The following RSF1 variants were observed in gnomAD, a reference collection of about 807,000 sequenced individuals.
RSF1 encodes remodeling and spacing factor 1.
RSF1 carries 13 observed loss-of-function variants against 145.2 expected under a neutral mutation model. The observed-to-expected ratio is 0.09, with a 90% confidence interval of 0.06 to 0.14. The LOEUF is 0.14. Ranked by LOEUF, RSF1 falls within the 10% of genes least tolerant of loss-of-function variation. RSF1 has a pLI of 1.00. For synonymous variants in RSF1, 577 were observed against 592.6 expected, an observed-to-expected ratio of 0.97 and a Z score of 0.38; for missense variants, 1,517 against 1,718.2, an observed-to-expected ratio of 0.88 and a Z score of 2.07.
intron 1 of RSF1, among the ~76,000 whole-genome samples, chr11:77,791,874 T>C (rs1218238319): frequency 2.6e-4 from 40 of 152,186 alleles, no homozygotes; most frequent in Admixed American, 2.6e-3. Flanking sequence ...TTCCTACATT[T>C]TCCTGTTTTC....
intron 5 of RSF1, among the ~76,000 whole-genome samples, chr11:77,722,889 CT>C (rs1960972725): frequency 6.6e-6 from 1 of 152,158 alleles, no homozygotes; most frequent in Non-Finnish European, 1.5e-5. Context: ...GTTTTTCTTT[CT>C]ACTTTAAACT....
At chr11:77,859,811 G>A in the RSF1 span, among the ~76,000 whole-genome samples, 1 of 152,298 alleles carries the variant, frequency 6.6e-6, no homozygotes, top group Middle Eastern at 3.4e-3. Flanking sequence ...AAATGTGGCT[G>A]GGTTAAGAGT....
rs188960061 is a variant in RSF1 at position 77,790,619 on chromosome 11, A to G, written c.188-25930T>C. 4.6e-5 allele frequency among the ~76,000 whole-genome samples: 7 copies of G among 152,328 alleles called. No individual in the cohort carries two copies. The East Asian group carries it at 1.4e-3, about 29-fold the overall frequency. On this transcript the variant is annotated intron_variant, in intron 1 of 15. Transcript: ENST00000308488. The stretch of plus-strand genomic sequence containing the variant: ...CTTCTGCCTATGAGTCTGTAAAATC[A>G]AAAGCAAGTTAGTTACTTCCTAGAT...
At position 77,702,247 on chromosome 11, in the gene RSF1, C is replaced by T; in HGVS notation, c.982G>A (p.Glu328Lys). The change falls in exon 6 of 16, where the codon GAA (glutamate) becomes AAA (lysine). Residue 328 changes from glutamate (E) to lysine (K), a missense_variant. Glu to Lys is a moderately conservative substitution (Grantham distance 56, BLOSUM62 1). Transcript: ENST00000308488. ...GTATCTTTAGGATCTGCTCTACATT[C>T]CTTCACCTCAACTTTAATGGGTTTG... ...NVKPIKVEVK[E>K]CRADPKDTKS... 1 of 1,612,126 alleles carries T rather than the reference C, an allele frequency of 6.2e-7. No individual in the cohort carries two copies. The highest frequency in any genetic ancestry group is 8.5e-7 in the Non-Finnish European group (1 of 1,179,586).
chr11:77,860,084 C>T, the RSF1 span, among the ~76,000 whole-genome samples: 1 of 152,196 alleles, frequency 6.6e-6, no homozygotes, highest in African/African-American at 2.4e-5. Flanking sequence ...GTTGCAAGCT[C>T]GTCTCTCAGA....
intron 1 of RSF1, among the ~76,000 whole-genome samples, chr11:77,765,187 A>G (rs1331761631): frequency 1.3e-5 from 2 of 152,178 alleles, no homozygotes; most frequent in African/African-American, 4.8e-5. Flanking sequence ...TAAAGTTTGT[A>G]TTGTTTATCT....
chr11:77,751,084 G>A (rs749257693), intron 2 of RSF1, among the ~76,000 whole-genome samples: 1 of 152,066 alleles, frequency 6.6e-6, no homozygotes, highest in Non-Finnish European at 1.5e-5. Flanking sequence ...TGGAGGATGA[G>A]GATGGAAAAT....
intron 11 of RSF1, among the ~76,000 whole-genome samples, chr11:77,680,002 A>C (rs1480003123): frequency 6.6e-6 from 1 of 152,230 alleles, no homozygotes; most frequent in African/African-American, 2.4e-5. Flanking sequence ...TCTGTTCCTC[A>C]CTAGACATAA....
chr11:77,770,572 A>G (rs538020201), intron 1 of RSF1, among the ~76,000 whole-genome samples: 2 of 152,270 alleles, frequency 1.3e-5, no homozygotes, highest in Non-Finnish European at 2.9e-5. Flanking sequence ...ACAGGCAGAT[A>G]AACCAAGGGG....
At chr11:77,756,630 T>C (rs1948119204) in intron 2 of RSF1, among the ~76,000 whole-genome samples, 1 of 151,850 alleles carries the variant, frequency 6.6e-6, no homozygotes, top group African/African-American at 2.4e-5. Flanking sequence ...TATCAAGAGG[T>C]GAAAATGCTA....
At chr11:77,681,599 T>C (rs368126729) in intron 11 of RSF1, among the ~76,000 whole-genome samples, 15 of 152,144 alleles carry the variant, frequency 9.9e-5, no homozygotes, top group African/African-American at 3.4e-4. Flanking sequence ...GCAATTTCAT[T>C]TGTGAGAAAC....
the RSF1 span, chr11:77,850,900 T>C: frequency 6.6e-6 from 1 of 151,208 alleles, no homozygotes; most frequent in East Asian, 2.0e-4. Flanking sequence ...TTCTCCTCTA[T>C]AACTACAATT....
intron 1 of RSF1, among the ~76,000 whole-genome samples, chr11:77,786,743 A>C (rs1425766027): frequency 6.6e-6 from 1 of 152,214 alleles, no homozygotes; most frequent in Non-Finnish European, 1.5e-5. Flanking sequence ...AAGAAAAAAA[A>C]GTACTGTTCT....
At chr11:77,726,218 T>C (rs1447160476) in intron 4 of RSF1, among the ~76,000 whole-genome samples, 3 of 152,220 alleles carry the variant, frequency 2.0e-5, no homozygotes, top group Non-Finnish European at 4.4e-5. Context: ...TAAAAAATTT[T>C]GGTAGCTGAT....
intron 1 of RSF1, among the ~76,000 whole-genome samples, chr11:77,807,977 T>C (rs1163088262): frequency 6.6e-6 from 1 of 152,178 alleles, no homozygotes; most frequent in Non-Finnish European, 1.5e-5. Flanking sequence ...CGAAGTCTAA[T>C]TTCCAAAATA....
At chr11:77,803,662 C>T (rs1484464228) in intron 1 of RSF1, among the ~76,000 whole-genome samples, 2 of 151,674 alleles carry the variant, frequency 1.3e-5, no homozygotes, top group East Asian at 3.9e-4. Context: ...ACCTGTAATC[C>T]CAGGTACACA....
At chr11:77,826,373 G>A in the RSF1 span, among the ~76,000 whole-genome samples, 1 of 149,624 alleles carries the variant, frequency 6.7e-6, no homozygotes, top group Non-Finnish European at 1.5e-5. Context: ...AAAAAAAAAA[G>A]ATGGGGGACA....
At position 77,670,993 on chromosome 11, in the gene RSF1, G is replaced by C. The variant is rs1251019522; in HGVS notation, c.3751+1049C>G. On this transcript the variant is annotated intron_variant, in intron 15 of 15. Transcript: ENST00000308488. ...TTGGTGGCACATGCCTAAAATCCTA[G>C]CTATTGGGAGGCTGAGCCAGGAGAA... Among the ~76,000 whole-genome samples the C allele has an allele frequency of 2.0e-5, 3 of 147,876 alleles. No homozygotes were observed. The East Asian group carries it at 6.0e-4, about 30-fold the overall frequency.
At chr11:77,741,109 A>G (rs1947931325) in intron 3 of RSF1, among the ~76,000 whole-genome samples, 173 bp from the exon 4 acceptor site, 1 of 152,236 alleles carries the variant, frequency 6.6e-6, no homozygotes, top group South Asian at 2.1e-4. Flanking sequence ...AGAATAGCCA[A>G]TATTTTAAGA....
Sources: gnomAD v4.1 joint callset for allele counts (sites outside exome capture counted in the v4.1 genomes callset) on GRCh38, gnomAD v4.1.1 for gene constraint, MANE v1.5 for transcripts, NCBI Gene and HGNC (gene_info 2026-07-23, HGNC 2026-07-21) for gene names.